Variants in FNDC1 observed in about 807,000 individuals in gnomAD.
FNDC1 encodes the protein fibronectin type III domain containing 1, also known as fibronectin type III domain-containing protein 1.
FNDC1 carries 96 observed loss-of-function variants against 168.0 expected under a neutral mutation model. The ratio of observed to expected loss-of-function variants is 0.57; its 90% confidence interval spans 0.48 to 0.68. The LOEUF (loss-of-function observed/expected upper bound fraction) is 0.68, where lower values mean the gene tolerates loss of function less well. Ranked by LOEUF, FNDC1 falls within the 30% of genes least tolerant of loss-of-function variation. The pLI, the probability that FNDC1 is intolerant of heterozygous loss-of-function variation, is 0.00. For missense variants in FNDC1, 2,587 were observed against 2,482.1 expected (o/e 1.04, Z -0.90); for synonymous variants, 1,099 against 1,025.9 (o/e 1.07, Z -1.36).
chr6:159,220,901 G>A (rs1451888163), intron 5 of FNDC1, among the ~76,000 whole-genome samples: 1 of 152,200 alleles, frequency 6.6e-6, no homozygotes, highest in East Asian at 1.9e-4. Flanking sequence ...GATCTGCACA[G>A]TTCAAACCTG....
chr6:159,172,459 C>T (rs1441714770), intron 1 of FNDC1, among the ~76,000 whole-genome samples: 1 of 152,154 alleles, frequency 6.6e-6, no homozygotes, highest in Non-Finnish European at 1.5e-5. Context: ...CAGAATTTTG[C>T]CAAGTTGTTT....
In FNDC1 at chr6:159,221,602, G is replaced by C; in HGVS notation, c.672G>C (p.Ser224=). 6.2e-7 allele frequency: 1 copy of C among 1,613,742 alleles called. No homozygotes were observed. ...CCCTCACTCCCTGGTCCACAGCCTC[G>C]GAATCCGTGTATGTGGTCTCCCTGC... ...ERTHEIKKLA[S]ESVYVVSLQS... The change falls in exon 6 of 23, where the codon TCG becomes TCC. Residue 224 remains serine (S), a synonymous_variant. Coordinates refer to ENST00000297267, the MANE Select transcript of FNDC1 (RefSeq NM_032532.3).
intron 6 of FNDC1, among the ~76,000 whole-genome samples, chr6:159,223,127 T>C (rs924936815): frequency 5.3e-5 from 8 of 151,712 alleles, no homozygotes; most frequent in African/African-American, 1.9e-4. Flanking sequence ...TCCCGAGTAT[T>C]TGGGACTACA....
chr6:159,238,310 C>T (rs1346635364), intron 12 of FNDC1, among the ~76,000 whole-genome samples: 1 of 152,062 alleles, frequency 6.6e-6, no homozygotes, highest in Non-Finnish European at 1.5e-5. Flanking sequence ...TGGTCTCGAT[C>T]TCCTGATCTC....
chr6:159,194,449 T>A (rs1165292535), intron 1 of FNDC1, among the ~76,000 whole-genome samples: 1 of 152,252 alleles, frequency 6.6e-6, no homozygotes, highest in East Asian at 1.9e-4. Context: ...ATGATTCATT[T>A]GTCCAGCAGA....
chr6:159,228,663 A>T (rs418859), intron 9 of FNDC1, among the ~76,000 whole-genome samples: 23,289 of 151,628 alleles, frequency 0.15, 2,221 homozygotes, highest in East Asian at 0.35. Context: ...CTTTGTTCCT[A>T]CTCATTTCTT....
At position 159,234,342 on chromosome 6, in the gene FNDC1, C is replaced by G. The variant is rs763996238; in HGVS notation, c.3830C>G (p.Pro1277Arg). The G allele has an allele frequency of 1.2e-6, 2 of 1,611,442 alleles. No individual in the cohort carries two copies. Among genetic ancestry groups the G allele is most frequent in the Admixed American group, 3.3e-5 (2 of 59,830 alleles). Reference protein sequence around the residue: ...ATVSPVAGTHPWPQYTTRAPP... With the variant: ...ATVSPVAGTHRWPQYTTRAPP... Reference sequence around the variant, plus strand: ...GTGAGCCCCGTCGCGGGCACCCACCCCTGGCCGCAGTACACCACGCGCGCC... The same window carrying G: ...GTGAGCCCCGTCGCGGGCACCCACCGCTGGCCGCAGTACACCACGCGCGCC... Residue 1277 changes from proline (P) to arginine (R), a missense_variant, in exon 11 of 23, where the codon CCC (proline) becomes CGC (arginine). Transcript: ENST00000297267.
rs1214433956 is a variant in FNDC1, at chr6:159,232,800, T to C, written c.2288T>C (p.Met763Thr). 2.5e-6 allele frequency: 4 copies of C among 1,613,710 alleles called. No homozygotes were observed. The highest frequency in any genetic ancestry group is 2.7e-5 in the African/African-American group (2 of 74,938). Residue 763 changes from methionine to threonine, a missense_variant, in exon 11 of 23, where the codon ATG (methionine) becomes ACG (threonine). Met to Thr is a moderately conservative substitution (Grantham distance 81). Transcript: ENST00000297267. The surrounding 1 kb of genome is among the most constrained non-coding windows in gnomAD (Gnocchi z 4.9). ...TNSNAPSRST[M>T]SSSVSSHLSS... ...TCCAATGCGCCATCACGGTCCACCA[T>C]GTCCTCCTCCGTCTCTTCTCATCTC...
At chr6:159,270,253 G>A (rs1456434173) in intron 22 of FNDC1, among the ~76,000 whole-genome samples, 2 of 151,882 alleles carry the variant, frequency 1.3e-5, no homozygotes, top group African/African-American at 4.8e-5. Context: ...CAACAGACTG[G>A]GTAACATAGC....
chr6:159,258,706 G>C (rs1475214741), intron 18 of FNDC1, among the ~76,000 whole-genome samples: 1 of 152,206 alleles, frequency 6.6e-6, no homozygotes, highest in Non-Finnish European at 1.5e-5. Context: ...GACGCTGGCA[G>C]CTCCTCCTGC....
chr6:159,233,260 G>A lies in FNDC1; in HGVS notation c.2748G>A (p.Gly916=). The change falls in exon 11 of 23, where the codon GGG becomes GGA. Residue 916 remains glycine, a synonymous_variant. Coordinates refer to ENST00000297267, the MANE Select transcript of FNDC1 (RefSeq NM_032532.3). This position sits in a 1 kb window ranked among gnomAD's most constrained non-coding sequence, Gnocchi z 4.6. ...ACTTAAGGAGAAGCCCGCAGAGAGG[G>A]GCCAGCCTGCATCGGAAGGAACCCA... ...WEDLRRSPQR[G]ASLHRKEPIP... is the part of the protein sequence containing the mutation. 1 of 1,613,924 alleles carries A rather than the reference G, an allele frequency of 6.2e-7. No homozygotes were observed. Among genetic ancestry groups the A allele is most frequent in the Non-Finnish European group, 8.5e-7 (1 of 1,179,872 alleles).
rs1421800148 is a variant in FNDC1 at position 159,169,595 on chromosome 6, C to T, written c.-2C>T. 5.4e-6 allele frequency: 6 copies of T among 1,104,982 alleles called. No homozygotes were observed. Among genetic ancestry groups the T allele is most frequent in the Non-Finnish European group, 6.6e-6 (6 of 906,270 alleles). The allele number at this position is 1,104,982 out of a possible 1,614,324, so 68.4% of individuals were successfully genotyped here. ...CCAGCCCCGGCCCACCCCGGGCTCT[C>T]GATGGCCCCCGAGGCCGGGGCGACC... On this transcript the variant is annotated 5_prime_UTR_variant, in exon 1 of 23. Transcript: ENST00000297267. This position sits in a 1 kb window ranked among gnomAD's most constrained non-coding sequence, Gnocchi z 6.8.
intron 7 of FNDC1, among the ~76,000 whole-genome samples, chr6:159,224,252 A>G (rs1438423758): frequency 1.3e-5 from 2 of 152,220 alleles, no homozygotes; most frequent in East Asian, 1.9e-4. Context: ...AGGCAAACCA[A>G]TCATAAGGTT....
Position 159,232,347 on chromosome 6 carries a change from C to G in FNDC1, c.1835C>G (p.Ala612Gly). ...FSLATQPRPG[A>G]PPSASASPAH... ...CTGGCCACGCAGCCCCGCCCAGGGGCGCCCCCCTCGGCTTCGGCCTCTCCT... is the reference window on the plus strand; with the variant it reads ...CTGGCCACGCAGCCCCGCCCAGGGGGGCCCCCCTCGGCTTCGGCCTCTCCT... Residue 612 changes from alanine to glycine, a missense_variant, in exon 11 of 23, where the codon GCG (alanine) becomes GGG (glycine). Transcript: ENST00000297267. The surrounding 1 kb of genome is among the most constrained non-coding windows in gnomAD (Gnocchi z 4.9). The G allele has an allele frequency of 6.2e-7, 1 of 1,613,452 alleles. No individual in the cohort carries two copies. Among genetic ancestry groups the G allele is most frequent in the Non-Finnish European group, 8.5e-7 (1 of 1,179,696 alleles).
At chr6:159,221,757 C>T in intron 6 of FNDC1, 61 bp downstream of exon 6, 1 of 1,231,906 alleles carries the variant, frequency 8.1e-7, no homozygotes. Flanking sequence ...ATGTTGTTTC[C>T]AAATGATGCT....
Position 159,233,655 on chromosome 6 carries a change from G to A in FNDC1, c.3143G>A (p.Arg1048His). ...CGGCCCCGCCCCACGTCGCAGGGCC[G>A]CTCCCACTCCTCCTCGGACCCTTAC... Reference protein sequence around the residue: ...AGRPRPTSQGRSHSSSDPYTA... With the variant: ...AGRPRPTSQGHSHSSSDPYTA... The change falls in exon 11 of 23, where the codon CGC becomes CAC. Residue 1048 changes from arginine to histidine, a missense_variant. Arg to His is a conservative substitution (Grantham distance 29). Coordinates refer to ENST00000297267, the MANE Select transcript of FNDC1 (RefSeq NM_032532.3). The surrounding 1 kb of genome is among the most constrained non-coding windows in gnomAD (Gnocchi z 4.6). The A allele has an allele frequency of 6.4e-7, 1 of 1,552,474 alleles. No individual in the cohort carries two copies. The highest frequency in any genetic ancestry group is 8.7e-7 in the Non-Finnish European group (1 of 1,150,038).
At chr6:159,206,363 G>A (rs1055389527) in intron 4 of FNDC1, among the ~76,000 whole-genome samples, 3 of 152,212 alleles carry the variant, frequency 2.0e-5, no homozygotes, top group Admixed American at 1.3e-4. Context: ...TTTATTTAGT[G>A]TGCACTTCAC....
chr6:159,180,732 G>A (rs1781861083), intron 1 of FNDC1, among the ~76,000 whole-genome samples: 1 of 152,088 alleles, frequency 6.6e-6, no homozygotes, highest in African/African-American at 2.4e-5. Context: ...AACATGCAGT[G>A]TTTGGTTTTC....
Position 159,225,642 on chromosome 6 carries a change from A to G in FNDC1, c.992A>G (p.Tyr331Cys). ...GAGAACCTGATTCCAGACACTGTGTATGAATTTGCAGTCCGTATTTCACAG... is the reference window on the plus strand; with the variant it reads ...GAGAACCTGATTCCAGACACTGTGTGTGAATTTGCAGTCCGTATTTCACAG... ...LIENLIPDTV[Y>C]EFAVRISQGE... Residue 331 changes from tyrosine to cysteine, a missense_variant, in exon 8 of 23, where the codon TAT (tyrosine) becomes TGT (cysteine). Physicochemically the swap from Tyr to Cys is radical, Grantham distance 194. Coordinates refer to ENST00000297267, the MANE Select transcript of FNDC1 (RefSeq NM_032532.3). The G allele has an allele frequency of 6.2e-7, 1 of 1,614,022 alleles. No individual in the cohort carries two copies. The highest frequency in any genetic ancestry group is 8.5e-7 in the Non-Finnish European group (1 of 1,179,874).
Sources: gnomAD v4.1 joint callset for allele counts (sites outside exome capture counted in the v4.1 genomes callset) on GRCh38, gnomAD v4.1.1 for gene constraint, Gnocchi (gnomAD v3.1) non-coding constraint, MANE v1.5 for transcripts, NCBI Gene and HGNC (gene_info 2026-07-23, HGNC 2026-07-21) for gene names.